ELOVL5: variants seen among roughly 807,000 people sequenced by gnomAD.
ELOVL5 encodes the protein ELOVL fatty acid elongase 5, also known as very long chain fatty acid elongase 5.
A neutral mutation model predicts 38.6 loss-of-function variants in ELOVL5; 8 were observed. The observed-to-expected ratio is 0.21, with a 90% CI of 0.12 to 0.37. The LOEUF (loss-of-function observed/expected upper bound fraction) is 0.37. ELOVL5 is among the 10% of genes least tolerant of loss of function. ELOVL5 has a pLI of 1.00. For synonymous variants in ELOVL5, 127 were observed against 133.7 expected, an observed-to-expected ratio of 0.95 and a Z score of 0.34; for missense variants, 280 against 367.8, an observed-to-expected ratio of 0.76 and a Z score of 1.95.
At chr6:53,297,214 C>A (rs1434240271) in intron 1 of ELOVL5, among the ~76,000 whole-genome samples, 2 of 152,176 alleles carry the variant, frequency 1.3e-5, no homozygotes, top group African/African-American at 4.8e-5. Flanking sequence ...GGTCAGCCAC[C>A]TTTGCCCCTC....
chr6:53,335,427 C>T (rs1382872594), intron 1 of ELOVL5, among the ~76,000 whole-genome samples: 1 of 152,164 alleles, frequency 6.6e-6, no homozygotes, highest in Non-Finnish European at 1.5e-5. Context: ...GCCTTTGCTT[C>T]AATACCCTGC....
At chr6:53,347,337 G>C (rs774532628) in intron 1 of ELOVL5, among the ~76,000 whole-genome samples, 4 of 152,144 alleles carry the variant, frequency 2.6e-5, no homozygotes, top group Admixed American at 6.5e-5. Flanking sequence ...CTTTCCTGGA[G>C]AATCCCAGGC....
chr6:53,345,942 G>A (rs1346914641), intron 1 of ELOVL5, among the ~76,000 whole-genome samples: 1 of 152,060 alleles, frequency 6.6e-6, no homozygotes. Flanking sequence ...TGTGCTGAAC[G>A]TGCATGTTTG....
chr6:53,269,832 A>G (rs1489380930), intron 7 of ELOVL5, among the ~76,000 whole-genome samples: 4 of 152,244 alleles, frequency 2.6e-5, no homozygotes, highest in Non-Finnish European at 5.9e-5. Flanking sequence ...CCAGAAGTAT[A>G]TGACTTCCAC....
intron 1 of ELOVL5, among the ~76,000 whole-genome samples, chr6:53,326,610 C>T (rs962020601): frequency 1.3e-5 from 2 of 152,168 alleles, no homozygotes; most frequent in Non-Finnish European, 2.9e-5. Flanking sequence ...TGATTCCTCC[C>T]GCAGAGCCCC....
At chr6:53,314,519 G>T (rs147826175) in intron 1 of ELOVL5, among the ~76,000 whole-genome samples, 98 of 152,254 alleles carry the variant, frequency 6.4e-4, no homozygotes, top group African/African-American at 2.3e-3. Flanking sequence ...TTGTAAAATG[G>T]CATATATAAT....
At chr6:53,345,431 T>A (rs1198866153) in intron 1 of ELOVL5, among the ~76,000 whole-genome samples, 1 of 140,258 alleles carries the variant, frequency 7.1e-6, no homozygotes, top group East Asian at 2.3e-4. Context: ...TATAAAGATA[T>A]AAGTGTCCCA....
At chr6:53,337,382 G>A (rs1769120528) in intron 1 of ELOVL5, 1 of 152,240 alleles carries the variant, frequency 6.6e-6, no homozygotes, top group Non-Finnish European at 1.5e-5. Flanking sequence ...TCCAGGCATA[G>A]GTAAGAGCTC....
In ELOVL5 at chr6:53,294,072, C is replaced by T. The variant is rs1766881701; in HGVS notation, c.58+1570G>A. On this transcript the variant is annotated intron_variant, in intron 2 of 7. Transcript: ENST00000304434. ...ACATATATATCACAAACAATAAATA[C>T]ACACAAATCTCCCTATTTTAACTTA... 23 of 1,336,456 alleles carry T rather than the reference C, an allele frequency of 1.7e-5. No homozygotes were observed. In the South Asian group the frequency reaches 2.3e-4, roughly 13 times the overall value. 82.8% of individuals were successfully genotyped at this position (1,336,456 alleles called of 1,614,324 possible).
intron 7 of ELOVL5, among the ~76,000 whole-genome samples, 180 bp from the exon 8 acceptor site, chr6:53,269,450 CT>C (rs3215545): frequency 4.0e-4 from 59 of 147,122 alleles, no homozygotes; most frequent in East Asian, 7.9e-4. Context: ...ATCATTCTTC[CT>C]TTTTTTTTTT....
At chr6:53,307,259 AGTG>A (rs1767618737) in intron 1 of ELOVL5, among the ~76,000 whole-genome samples, 1 of 152,232 alleles carries the variant, frequency 6.6e-6, no homozygotes, top group African/African-American at 2.4e-5. Context: ...TTTGGGTGGT[AGTG>A]GTTAGGAACA....
intron 1 of ELOVL5, among the ~76,000 whole-genome samples, chr6:53,314,877 T>C (rs1228161421): frequency 1.3e-5 from 2 of 152,260 alleles, no homozygotes; most frequent in Non-Finnish European, 2.9e-5. Flanking sequence ...ATATTTCCTA[T>C]GCAAAATCCA....
intron 1 of ELOVL5, among the ~76,000 whole-genome samples, chr6:53,305,276 C>T (rs1220281302): frequency 1.4e-5 from 2 of 138,838 alleles, no homozygotes; most frequent in Non-Finnish European, 3.1e-5. Flanking sequence ...GTAGGGGCGG[C>T]CGGGCAGAGG....
intron 1 of ELOVL5, among the ~76,000 whole-genome samples, chr6:53,328,991 G>T (rs1388990738): frequency 6.6e-6 from 1 of 152,094 alleles, no homozygotes; most frequent in East Asian, 1.9e-4. Context: ...TTGATAAAAA[G>T]ACCAAAACCA....
At chr6:53,280,363 G>A (rs1218132287) in intron 3 of ELOVL5, among the ~76,000 whole-genome samples, 3 of 152,174 alleles carry the variant, frequency 2.0e-5, no homozygotes, top group Non-Finnish European at 2.9e-5. Context: ...CTGAGGAACT[G>A]AGATACAAAC....
intron 3 of ELOVL5, chr6:53,287,905 G>C: frequency 6.5e-7 from 1 of 1,535,724 alleles, no homozygotes; most frequent in Non-Finnish European, 8.7e-7. Flanking sequence ...ATCAGTTCGT[G>C]AGGCACAGGC....
At position 53,296,462 on chromosome 6, in the gene ELOVL5, CAGTG is replaced by C. The variant is rs1767006512; in HGVS notation, c.-8-759_-8-756del. On this transcript the variant is annotated intron_variant, in intron 1 of 7. Transcript: ENST00000304434. The stretch of plus-strand genomic sequence containing the variant: ...GTAGAGAATCAGAATGCTTTGCTCT[CAGTG>C]AGAATGAATATAGTTTTATAAAACT... 2.0e-5 allele frequency among the ~76,000 whole-genome samples: 3 copies of C among 151,900 alleles called. No individual in the cohort carries two copies. The South Asian group carries it at 6.2e-4, about 32-fold the overall frequency.
At chr6:53,274,198 A>AAAGTTAGGTC (rs1306229754) in intron 5 of ELOVL5, among the ~76,000 whole-genome samples, 1 of 151,866 alleles carries the variant, frequency 6.6e-6, no homozygotes, top group Non-Finnish European at 1.5e-5. Context: ...TTTCTATTAG[A>AAAGTTAGGTC]AAGTTAGGTC....
intron 1 of ELOVL5, among the ~76,000 whole-genome samples, chr6:53,307,931 A>G (rs1767661771): frequency 6.6e-6 from 1 of 152,248 alleles, no homozygotes; most frequent in African/African-American, 2.4e-5. Context: ...GGGTGGAGCC[A>G]GAATTTGAAC....
Sources: allele counts gnomAD v4.1 joint callset (sites outside exome capture counted in the v4.1 genomes callset), GRCh38; gene constraint gnomAD v4.1.1; transcripts MANE v1.5; gene names NCBI Gene and HGNC (gene_info 2026-07-23, HGNC 2026-07-21).